The following MPP7 variants were observed in gnomAD, a reference collection of about 807,000 sequenced individuals.
MPP7 encodes MAGUK p55 scaffold protein 7, also known as MAGUK p55 subfamily member 7.
A neutral mutation model predicts 76.5 loss-of-function variants in MPP7; 60 were observed. The ratio of observed to expected loss-of-function variants is 0.78; its 90% CI spans 0.64 to 0.97. MPP7 has a LOEUF of 0.97. Among genes scored for constraint, MPP7 ranks in the 50% least tolerant of loss-of-function variants. MPP7 has a pLI of 0.00. For synonymous variants in MPP7, 237 were observed against 244.5 expected, an observed-to-expected ratio of 0.97 and a Z score of 0.29; for missense variants, 641 against 694.0, an observed-to-expected ratio of 0.92 and a Z score of 0.86.
At chr10:28,071,643 G>T (rs1225954058) in intron 12 of MPP7, among the ~76,000 whole-genome samples, 1 of 152,054 alleles carries the variant, frequency 6.6e-6, no homozygotes, top group Admixed American at 6.6e-5. Flanking sequence ...AATAATATAT[G>T]AAAGGAGAAA....
At chr10:28,103,054 T>C (rs1853900924) in intron 11 of MPP7, among the ~76,000 whole-genome samples, 1 of 152,232 alleles carries the variant, frequency 6.6e-6, no homozygotes, top group Non-Finnish European at 1.5e-5. Flanking sequence ...GTCACTCTGG[T>C]CTCTTGACCC....
At chr10:28,074,187 AG>A (rs1318909159) in intron 12 of MPP7, among the ~76,000 whole-genome samples, 2 of 152,206 alleles carry the variant, frequency 1.3e-5, no homozygotes, top group Non-Finnish European at 2.9e-5. Context: ...GCTCAGCAGA[AG>A]ACCTCAACTA....
At chr10:28,125,469 C>T (rs1356205130) in intron 6 of MPP7, among the ~76,000 whole-genome samples, 1 of 151,972 alleles carries the variant, frequency 6.6e-6, no homozygotes, top group African/African-American at 2.4e-5. Context: ...AGTACCGCAT[C>T]AAGAAAGTGG....
chr10:28,320,899 T>C (rs1441928416), intron 2 of MPP7, among the ~76,000 whole-genome samples: 3 of 151,784 alleles, frequency 2.0e-5, no homozygotes, highest in Admixed American at 2.0e-4. Flanking sequence ...CCTGACGAGG[T>C]TCATCTTCTT....
chr10:28,249,563 C>T (rs1327927378), intron 1 of MPP7, among the ~76,000 whole-genome samples: 2 of 152,154 alleles, frequency 1.3e-5, no homozygotes, highest in Non-Finnish European at 2.9e-5. Context: ...ACAGCCTGGG[C>T]AACAGAGAGA....
intron 3 of MPP7, among the ~76,000 whole-genome samples, chr10:28,155,711 G>A: frequency 6.6e-6 from 1 of 152,122 alleles, no homozygotes; most frequent in Non-Finnish European, 1.5e-5. Context: ...GGAGGTAGCA[G>A]GTAAGACGAG....
At chr10:28,064,362 A>T (rs1184693441) in intron 13 of MPP7, among the ~76,000 whole-genome samples, 2 of 152,254 alleles carry the variant, frequency 1.3e-5, no homozygotes, top group East Asian at 3.8e-4. Flanking sequence ...AAGTGGATGC[A>T]TACTGTATAA....
intron 5 of MPP7, among the ~76,000 whole-genome samples, chr10:28,142,573 A>C (rs1377854977): frequency 2.0e-5 from 3 of 152,110 alleles, no homozygotes; most frequent in Non-Finnish European, 4.4e-5. Flanking sequence ...TTGTCAAAAA[A>C]CACAAGAATT....
intron 2 of MPP7, among the ~76,000 whole-genome samples, chr10:28,323,450 C>G (rs936214800): frequency 1.7e-5 from 2 of 119,672 alleles, no homozygotes; most frequent in African/African-American, 6.8e-5. Flanking sequence ...GAGACTCTAT[C>G]TAGGAAAAAA....
chr10:28,239,497 TCTAA>T (rs1839196094), intron 1 of MPP7, among the ~76,000 whole-genome samples: 1 of 152,168 alleles, frequency 6.6e-6, no homozygotes, highest in Admixed American at 6.5e-5. Flanking sequence ...TGCATGGTTC[TCTAA>T]CTGATGTCTG....
chr10:28,326,354 G>C (rs1309027328), intron 2 of MPP7, among the ~76,000 whole-genome samples: 1 of 152,132 alleles, frequency 6.6e-6, no homozygotes, highest in African/African-American at 2.4e-5. Context: ...GGCAGCTGCT[G>C]TTCCTCCTTG....
chr10:28,052,432 CTA>C lies in MPP7; in HGVS notation c.*1631_*1632del, dbSNP rs1732874525. ...AGTCTGATTATCTATTTTGGTGTGACTATGTGTCAAGGCCATTGGAGTGGTTT... is the reference window on the plus strand; with the variant it reads ...AGTCTGATTATCTATTTTGGTGTGACTGTGTCAAGGCCATTGGAGTGGTTT... On this transcript the variant is annotated 3_prime_UTR_variant, in exon 17 of 17. Coordinates refer to ENST00000683449, the MANE Select transcript of MPP7 (RefSeq NM_001318170.2). 6.6e-6 allele frequency: 1 copy of C among 152,422 alleles called. No individual in the cohort carries two copies. Among genetic ancestry groups the C allele is most frequent in the South Asian group, 2.1e-4 (1 of 4,832 alleles). 9.4% of individuals were successfully genotyped at this position (152,422 alleles called of 1,614,324 possible).
Position 28,171,158 on chromosome 10 carries a change from C to A in MPP7, c.157-21099G>T, listed in dbSNP as rs558436233. 4.6e-5 allele frequency among the ~76,000 whole-genome samples: 7 copies of A among 152,286 alleles called. No individual in the cohort carries two copies. The South Asian group carries it at 1.4e-3, about 32-fold the overall frequency. ...ATCGAGGGTACAGAAAGGACAGACA[C>A]ACCTTCAGTCCATATCTTCTTAAAG... is the stretch of plus-strand genomic sequence containing the variant. On this transcript the variant is annotated intron_variant, in intron 3 of 16. Transcript: ENST00000683449.
chr10:28,268,677 G>T (rs927616262), intron 1 of MPP7, among the ~76,000 whole-genome samples: 9 of 151,776 alleles, frequency 5.9e-5, no homozygotes, highest in African/African-American at 2.2e-4. Context: ...GAAGATTGCA[G>T]TGAGCCGAGA....
intron 2 of MPP7, among the ~76,000 whole-genome samples, chr10:28,322,730 G>A (rs1358477629): frequency 6.6e-6 from 1 of 152,180 alleles, no homozygotes; most frequent in Non-Finnish European, 1.5e-5. Context: ...AGAAGACAAA[G>A]TTTCCTTTAG....
intron 2 of MPP7, among the ~76,000 whole-genome samples, chr10:28,322,354 A>G (rs985094896): frequency 6.6e-6 from 1 of 152,182 alleles, no homozygotes; most frequent in Non-Finnish European, 1.5e-5. Context: ...TCAAGTTATT[A>G]ACATTTTTCC....
chr10:28,076,311 A>C (rs1482449652), intron 12 of MPP7, among the ~76,000 whole-genome samples: 1 of 152,204 alleles, frequency 6.6e-6, no homozygotes, highest in Non-Finnish European at 1.5e-5. Context: ...TCTGAGGGAA[A>C]GGGCGAAAGA....
At chr10:28,288,441 A>C (rs150972511) in intron 1 of MPP7, among the ~76,000 whole-genome samples, 1 of 152,068 alleles carries the variant, frequency 6.6e-6, no homozygotes, top group African/African-American at 2.4e-5. Flanking sequence ...AAGTCTCACT[A>C]TGTTGCCCAG....
At chr10:28,161,881 C>A (rs1836275511) in intron 3 of MPP7, among the ~76,000 whole-genome samples, 1 of 152,142 alleles carries the variant, frequency 6.6e-6, no homozygotes, top group Non-Finnish European at 1.5e-5. Flanking sequence ...TTTCTTCTAG[C>A]TTTTAAACAA....
Sources: gnomAD v4.1 joint callset for allele counts (sites outside exome capture counted in the v4.1 genomes callset) on GRCh38, gnomAD v4.1.1 for gene constraint, MANE v1.5 for transcripts, NCBI Gene and HGNC (gene_info 2026-07-23, HGNC 2026-07-21) for gene names.